DRC11: variants seen among roughly 807,000 people sequenced by gnomAD.
DRC11 encodes dynein regulatory complex subunit 11.
chr2:236,431,212 G>A, the DRC11 span, among the ~76,000 whole-genome samples: 8 of 152,134 alleles, frequency 5.3e-5, no homozygotes, highest in South Asian at 2.1e-4. The surrounding 1 kb of genome is among the most constrained non-coding windows in gnomAD (Gnocchi z 4.2). Flanking sequence ...TCCTTCCCAG[G>A]TGTATTAGTC....
chr2:236,468,184 C>T, the DRC11 span, among the ~76,000 whole-genome samples: 5 of 152,126 alleles, frequency 3.3e-5, no homozygotes, highest in African/African-American at 7.2e-5. Flanking sequence ...CTCTGCCTCC[C>T]GGGCCCAAGT....
At chr2:236,477,361 A>C in the DRC11 span, among the ~76,000 whole-genome samples, 2 of 152,238 alleles carry the variant, frequency 1.3e-5, no homozygotes, top group Admixed American at 6.5e-5. Context: ...TAAAATCATA[A>C]GAAAGAGAAG....
chr2:236,324,522 A>T, the DRC11 span: 1 of 551,076 alleles, frequency 1.8e-6, no homozygotes, highest in African/African-American at 1.9e-5. This position sits in a 1 kb window ranked among gnomAD's most constrained non-coding sequence, Gnocchi z 5.7. Context: ...GGTTTGCGGC[A>T]TCAGCTCACC....
At chr2:236,391,810 A>G in the DRC11 span, among the ~76,000 whole-genome samples, 22 of 152,206 alleles carry the variant, frequency 1.4e-4, no homozygotes, top group Admixed American at 3.9e-4. This position sits in a 1 kb window ranked among gnomAD's most constrained non-coding sequence, Gnocchi z 4.5. Flanking sequence ...CACAGGCCCA[A>G]AGGTTAAATG....
the DRC11 span, chr2:236,441,210 T>C: frequency 1.1e-6 from 1 of 920,134 alleles, no homozygotes; most frequent in Non-Finnish European, 1.7e-6. Context: ...TTCATTTAAA[T>C]GAGTGATGGT....
At chr2:236,502,212 AT>A in the DRC11 span, among the ~76,000 whole-genome samples, 5 of 152,286 alleles carry the variant, frequency 3.3e-5, no homozygotes, top group East Asian at 1.9e-4. Context: ...AATATAAACC[AT>A]TTTTTAACAC....
chr2:236,358,095 C>A, the DRC11 span, among the ~76,000 whole-genome samples: 2 of 107,286 alleles, frequency 1.9e-5, no homozygotes, highest in South Asian at 3.0e-4. Flanking sequence ...AGATATATAC[C>A]ATATGAATAT....
chr2:236,425,036 A>G, the DRC11 span, among the ~76,000 whole-genome samples: 1 of 151,998 alleles, frequency 6.6e-6, no homozygotes, highest in Non-Finnish European at 1.5e-5. Context: ...GGGTATATAC[A>G]ATACATTATG....
the DRC11 span, among the ~76,000 whole-genome samples, chr2:236,459,842 T>C: frequency 6.6e-6 from 1 of 152,076 alleles, no homozygotes; most frequent in East Asian, 1.9e-4. Flanking sequence ...ACATTACTTT[T>C]AACATTGGGA....
At chr2:236,415,605 T>C in the DRC11 span, among the ~76,000 whole-genome samples, 1 of 152,194 alleles carries the variant, frequency 6.6e-6, no homozygotes, top group East Asian at 1.9e-4. This position sits in a 1 kb window ranked among gnomAD's most constrained non-coding sequence, Gnocchi z 5.7. Context: ...CAGATCTGCA[T>C]TTTTCATGAA....
At chr2:236,443,813 C>T in the DRC11 span, among the ~76,000 whole-genome samples, 2 of 152,002 alleles carry the variant, frequency 1.3e-5, no homozygotes, top group Non-Finnish European at 2.9e-5. The surrounding 1 kb of genome is among the most constrained non-coding windows in gnomAD (Gnocchi z 4.4). Flanking sequence ...CCATAATTTC[C>T]TTCCACATTC....
the DRC11 span, among the ~76,000 whole-genome samples, chr2:236,423,774 C>G: frequency 6.6e-6 from 1 of 152,084 alleles, no homozygotes; most frequent in Non-Finnish European, 1.5e-5. Flanking sequence ...TGGCACTATT[C>G]ACTATAGCAA....
At chr2:236,312,092 C>T in the DRC11 span, among the ~76,000 whole-genome samples, 5 of 152,260 alleles carry the variant, frequency 3.3e-5, no homozygotes, top group East Asian at 9.7e-4. Flanking sequence ...AGGTTACCCA[C>T]TTTTCAAAAA....
the DRC11 span, among the ~76,000 whole-genome samples, chr2:236,344,944 T>G: frequency 6.7e-6 from 1 of 149,450 alleles, no homozygotes; most frequent in Non-Finnish European, 1.5e-5. Context: ...GAGCCCTGGT[T>G]GTAAATGTGC....
chr2:236,399,204 G>C, the DRC11 span, among the ~76,000 whole-genome samples: 1 of 152,042 alleles, frequency 6.6e-6, no homozygotes, highest in African/African-American at 2.4e-5. The surrounding 1 kb of genome is among the most constrained non-coding windows in gnomAD (Gnocchi z 7.0). Flanking sequence ...TGGCCAGGCT[G>C]GTCTTGAACT....
the DRC11 span, among the ~76,000 whole-genome samples, chr2:236,395,893 A>G: frequency 4.6e-5 from 7 of 152,226 alleles, no homozygotes; most frequent in Non-Finnish European, 1.0e-4. Context: ...AAATCAGGAA[A>G]TAATGTATTT....
chr2:236,464,261 T>G, the DRC11 span, among the ~76,000 whole-genome samples: 1 of 152,200 alleles, frequency 6.6e-6, no homozygotes, highest in Non-Finnish European at 1.5e-5. Context: ...TGAGAGAAAG[T>G]TTGATTTTTC....
chr2:236,399,947 G>T, the DRC11 span, among the ~76,000 whole-genome samples: 1 of 152,040 alleles, frequency 6.6e-6, no homozygotes, highest in Non-Finnish European at 1.5e-5. The surrounding 1 kb of genome is among the most constrained non-coding windows in gnomAD (Gnocchi z 7.0). Flanking sequence ...GAACTCCTAA[G>T]CTCAGGCAAT....
chr2:236,440,323 T>C, the DRC11 span, among the ~76,000 whole-genome samples: 5 of 152,192 alleles, frequency 3.3e-5, no homozygotes, highest in Non-Finnish European at 5.9e-5. Flanking sequence ...TTGTGGGCAG[T>C]TGGGGAAAAT....
Sources: gnomAD v4.1 joint callset for allele counts (sites outside exome capture counted in the v4.1 genomes callset) on GRCh38, gnomAD v4.1.1 for gene constraint, Gnocchi (gnomAD v3.1) non-coding constraint, MANE v1.5 for transcripts, NCBI Gene and HGNC (gene_info 2026-07-23, HGNC 2026-07-21) for gene names.